Variants in USP45 observed in about 807,000 individuals in gnomAD.
USP45 encodes ubiquitin specific peptidase 45.
USP45 carries 89 observed loss-of-function variants against 95.8 expected under a neutral mutation model. That is an observed-to-expected ratio of 0.93 (90% confidence interval 0.78 to 1.11). USP45 has a LOEUF of 1.11. Among genes scored for constraint, USP45 ranks in the 50% least tolerant of loss-of-function variants. The pLI is 0.00. For synonymous variants in USP45, 281 were observed against 316.2 expected, an observed-to-expected ratio of 0.89 and a Z score of 1.18; for missense variants, 898 against 942.5, an observed-to-expected ratio of 0.95 and a Z score of 0.62.
At chr6:99,437,777 G>A (rs1250759291) in intron 16 of USP45, among the ~76,000 whole-genome samples, 2 of 152,126 alleles carry the variant, frequency 1.3e-5, no homozygotes, top group Non-Finnish European at 2.9e-5. Flanking sequence ...CCTGCCTCAC[G>A]TTCCCAAGTA....
chr6:99,466,097 A>G (rs1583160156), intron 11 of USP45, among the ~76,000 whole-genome samples: 1 of 151,872 alleles, frequency 6.6e-6, no homozygotes, highest in Non-Finnish European at 1.5e-5. Flanking sequence ...GCTCACTGCA[A>G]CCCTGCCTGC....
intron 5 of USP45, among the ~76,000 whole-genome samples, chr6:99,490,709 T>G (rs1402156212): frequency 6.6e-6 from 1 of 151,968 alleles, no homozygotes; most frequent in Non-Finnish European, 1.5e-5. Flanking sequence ...AACTAGTGGG[T>G]TAGCTTCTTA....
At chr6:99,456,134 GAAAAAAAAAAAA>G (rs71021737) in intron 13 of USP45, among the ~76,000 whole-genome samples, 1 of 89,524 alleles carries the variant, frequency 1.1e-5, no homozygotes, top group Admixed American at 1.3e-4. Context: ...CTCTGTCTCG[GAAAAAAAAAAAA>G]AAAAAAAAAA....
At chr6:99,461,312 T>C (rs1180848677) in intron 13 of USP45, 2 of 985,252 alleles carry the variant, frequency 2.0e-6, no homozygotes, top group African/African-American at 1.7e-5. Flanking sequence ...GGAAGAAAAA[T>C]AGCCTATGGA....
chr6:99,469,340 T>C (rs1360664896), intron 9 of USP45, among the ~76,000 whole-genome samples: 1 of 151,512 alleles, frequency 6.6e-6, no homozygotes, highest in African/African-American at 2.4e-5. Context: ...ACTTAGTAAG[T>C]GACCTTTTAA....
chr6:99,512,238 C>T (rs1055178291), intron 1 of USP45, among the ~76,000 whole-genome samples: 5 of 152,056 alleles, frequency 3.3e-5, no homozygotes, highest in African/African-American at 1.2e-4. Flanking sequence ...GCATGAGTCA[C>T]CTTGAGGGTC....
chr6:99,490,885 A>G (rs1795024668), intron 5 of USP45, among the ~76,000 whole-genome samples: 1 of 152,208 alleles, frequency 6.6e-6, no homozygotes, highest in African/African-American at 2.4e-5. Flanking sequence ...TGTTTCTTTC[A>G]TTAAGCAAAC....
chr6:99,439,777 T>C lies in USP45; in HGVS notation c.2152A>G (p.Thr718Ala). Residue 718 changes from threonine (T) to alanine (A), a missense_variant, in exon 16 of 18, where the codon ACT (threonine) becomes GCT (alanine). Physicochemically the swap from Thr to Ala is moderately conservative, Grantham distance 58. Coordinates refer to ENST00000500704, the MANE Select transcript of USP45 (RefSeq NM_001346022.3). ...ATCTTAATATACTGTACCTTACAAG[T>C]AGCAGAGCAGAATGGTGCTAAATCG... ...MLDLAPFCSA[T>A]CKNASVGDKV... 1 of 1,595,804 alleles carries C rather than the reference T, an allele frequency of 6.3e-7. No individual in the cohort carries two copies. Among genetic ancestry groups the C allele is most frequent in the Non-Finnish European group, 8.5e-7 (1 of 1,170,390 alleles).
chr6:99,505,808 C>T (rs1296439841), intron 4 of USP45, among the ~76,000 whole-genome samples: 3 of 152,118 alleles, frequency 2.0e-5, no homozygotes, highest in Non-Finnish European at 4.4e-5. Flanking sequence ...CTGGCTCCTC[C>T]ACCCCAGAAC....
At chr6:99,511,795 A>C (rs1203620295) in intron 1 of USP45, among the ~76,000 whole-genome samples, 1 of 150,216 alleles carries the variant, frequency 6.7e-6, no homozygotes, top group Non-Finnish European at 1.5e-5. Flanking sequence ...GTTTTTATCT[A>C]AATATCAATA....
chr6:99,433,269 G>A lies in USP45; in HGVS notation c.*2447C>T, dbSNP rs1179381170. 1 of 152,560 alleles carries A rather than the reference G, an allele frequency of 6.6e-6. No homozygotes were observed. Among genetic ancestry groups the A allele is most frequent in the Non-Finnish European group, 1.5e-5 (1 of 68,020 alleles). 9.5% of individuals were successfully genotyped at this position (152,560 alleles called of 1,614,324 possible). A position where few individuals can be genotyped will look rare whatever the true frequency, so the allele number is the denominator to read the frequency against. On this transcript the variant is annotated 3_prime_UTR_variant, in exon 18 of 18. Transcript: ENST00000500704. Reference sequence around the variant, plus strand: ...TATCATTTTATATTTGGAAAAAAACGGGAAGCTGGGGTAAACCAGTTTCTA... The same window carrying A: ...TATCATTTTATATTTGGAAAAAAACAGGAAGCTGGGGTAAACCAGTTTCTA...
At chr6:99,466,803 C>A in intron 10 of USP45, 40 bp from the exon 11 acceptor site, 1 of 1,495,438 alleles carries the variant, frequency 6.7e-7, no homozygotes, top group East Asian at 2.3e-5. Flanking sequence ...AACATGTCAA[C>A]CATCCATCTA....
chr6:99,450,299 A>G (rs1052569495), intron 13 of USP45, among the ~76,000 whole-genome samples: 11 of 152,298 alleles, frequency 7.2e-5, no homozygotes, highest in African/African-American at 2.4e-4. Context: ...AGACAAATAA[A>G]GAAGAAAAGA....
chr6:99,502,268 C>T (rs72932545), intron 5 of USP45, among the ~76,000 whole-genome samples: 13,897 of 152,262 alleles, frequency 0.091, 729 homozygotes, highest in Admixed American at 0.15. Context: ...ATTTGGGACC[C>T]TCCCCAGACT....
intron 9 of USP45, 48 bp downstream of exon 9, chr6:99,476,095 G>A (rs886124145): frequency 9.0e-6 from 14 of 1,560,418 alleles, no homozygotes; most frequent in Non-Finnish European, 1.2e-5. Context: ...CCTTAGTTTT[G>A]TATCCTCTTC....
At chr6:99,478,274 GGAT>G (rs1247087862) in intron 8 of USP45, among the ~76,000 whole-genome samples, 1 of 138,162 alleles carries the variant, frequency 7.2e-6, no homozygotes, top group East Asian at 2.1e-4. Flanking sequence ...AAAAATCATA[GGAT>G]GATTTCTAGA....
At chr6:99,503,548 T>C (rs1797863538) in intron 5 of USP45, among the ~76,000 whole-genome samples, 1 of 152,096 alleles carries the variant, frequency 6.6e-6, no homozygotes, top group Admixed American at 6.5e-5. Flanking sequence ...GCCAGGCTGC[T>C]CTCAAACCCT....
chr6:99,480,275 T>C (rs555985572), intron 8 of USP45, among the ~76,000 whole-genome samples: 136 of 152,208 alleles, frequency 8.9e-4, no homozygotes, highest in African/African-American at 3.2e-3. Context: ...TGGTAAGATA[T>C]CATACATGAA....
At chr6:99,490,165 G>C (rs1429433189) in intron 5 of USP45, among the ~76,000 whole-genome samples, 1 of 151,604 alleles carries the variant, frequency 6.6e-6, no homozygotes, top group East Asian at 1.9e-4. Context: ...TCAGCCCTCA[G>C]ATTTTTTCTT....
Sources: allele counts gnomAD v4.1 joint callset (sites outside exome capture counted in the v4.1 genomes callset), GRCh38; gene constraint gnomAD v4.1.1; transcripts MANE v1.5; gene names NCBI Gene and HGNC (gene_info 2026-07-23, HGNC 2026-07-21).